ANP32B: variants seen among roughly 807,000 people sequenced by gnomAD.
ANP32B encodes acidic leucine-rich nuclear phosphoprotein 32 family member B.
A neutral mutation model predicts 32.2 loss-of-function variants in ANP32B; 6 were observed. The observed-to-expected ratio is 0.19, with a 90% CI of 0.10 to 0.37. The LOEUF (loss-of-function observed/expected upper bound fraction) is 0.37. ANP32B is among the 10% of genes least tolerant of loss of function. The pLI is 1.00. For missense variants in ANP32B, 204 were observed against 289.2 expected (o/e 0.71, Z 2.14); for synonymous variants, 98 against 105.8 (o/e 0.93, Z 0.45).
chr9:98,015,443 A>ACCTG lies in ANP32B; in HGVS notation c.*14_*17dup. Reference sequence around the variant, plus strand: ...GAGAAGATGATTAAGACCCCAGATGACCTGCAGAAACAGAACTGTTCAGTA... The same window carrying ACCTG: ...GAGAAGATGATTAAGACCCCAGATGACCTGCCTGCAGAAACAGAACTGTTCAGTA... On this transcript the variant is annotated 3_prime_UTR_variant, in exon 7 of 7. Transcript: ENST00000339399. The ACCTG allele has an allele frequency of 6.5e-7, 1 of 1,549,088 alleles. No homozygotes were observed. The highest frequency in any genetic ancestry group is 8.7e-7 in the Non-Finnish European group (1 of 1,146,598).
At chr9:98,000,406 C>T (rs752602977) in intron 3 of ANP32B, among the ~76,000 whole-genome samples, 4 of 152,192 alleles carry the variant, frequency 2.6e-5, no homozygotes, top group African/African-American at 7.2e-5. Context: ...CCCAGATACT[C>T]GGGCTCTTAC....
chr9:98,008,987 G>A (rs887098013), intron 4 of ANP32B, among the ~76,000 whole-genome samples: 2 of 152,052 alleles, frequency 1.3e-5, no homozygotes, highest in Non-Finnish European at 2.9e-5. Flanking sequence ...CATCATCTTG[G>A]GTAGATACTT....
intron 1 of ANP32B, among the ~76,000 whole-genome samples, chr9:97,986,380 G>A (rs1372926274): frequency 6.6e-6 from 1 of 152,214 alleles, no homozygotes; most frequent in Non-Finnish European, 1.5e-5. Flanking sequence ...GAGGCCTTGA[G>A]AGAGTGTTGT....
rs564378979 is a variant in ANP32B, at chr9:98,005,401, G to A, written c.517+248G>A. 32 of 249,038 alleles carry A rather than the reference G, an allele frequency of 1.3e-4. No homozygotes were observed. In the South Asian group the frequency reaches 1.9e-3, roughly 14 times the overall value. 15.4% of individuals were successfully genotyped at this position (249,038 alleles called of 1,614,324 possible). ...GTGGTGGCGCACACCTGGAGTCTTA[G>A]CTACTCAGAAGACTGGAGGCCGAGG... is the stretch of plus-strand genomic sequence containing the variant. On this transcript the variant is annotated intron_variant, in intron 4 of 6. Coordinates refer to ENST00000339399, the MANE Select transcript of ANP32B (RefSeq NM_006401.3).
intron 6 of ANP32B, among the ~76,000 whole-genome samples, chr9:98,014,634 C>T (rs771875107): frequency 1.3e-5 from 2 of 152,068 alleles, no homozygotes; most frequent in Non-Finnish European, 2.9e-5. Context: ...TCAGAATAAC[C>T]TTTTAAAGTC....
chr9:98,015,721 A>G lies in ANP32B; in HGVS notation c.*290A>G, dbSNP rs757082156. 4.7e-6 allele frequency: 5 copies of G among 1,052,866 alleles called. No individual in the cohort carries two copies. Among genetic ancestry groups the G allele is most frequent in the Non-Finnish European group, 2.3e-6 (2 of 872,250 alleles). 65.2% of individuals were successfully genotyped at this position (1,052,866 alleles called of 1,614,324 possible). On this transcript the variant is annotated 3_prime_UTR_variant, in exon 7 of 7. Coordinates refer to ENST00000339399, the MANE Select transcript of ANP32B (RefSeq NM_006401.3). ...GTGGATAGCTGTGATTGGTGAGTCA[A>G]CCGTCTGTGGCTACCAGTTACACTG...
chr9:97,988,877 C>T (rs1018445342), intron 1 of ANP32B, among the ~76,000 whole-genome samples: 6 of 152,122 alleles, frequency 3.9e-5, no homozygotes, highest in African/African-American at 1.4e-4. Flanking sequence ...ATTTCACTTA[C>T]CATAATAACC....
intron 4 of ANP32B, among the ~76,000 whole-genome samples, chr9:98,008,638 T>C (rs1445350607): frequency 6.6e-6 from 1 of 152,138 alleles, no homozygotes; most frequent in Non-Finnish European, 1.5e-5. Context: ...GAAGCAAAGT[T>C]TTCTGCAGTG....
At chr9:98,005,769 G>A (rs1249127806) in intron 4 of ANP32B, among the ~76,000 whole-genome samples, 4 of 152,150 alleles carry the variant, frequency 2.6e-5, no homozygotes, top group East Asian at 1.9e-4. Context: ...GATGCTGTGC[G>A]TTTAAACTGT....
chr9:98,004,496 A>G (rs555682260), intron 3 of ANP32B, among the ~76,000 whole-genome samples: 26 of 152,206 alleles, frequency 1.7e-4, no homozygotes, highest in Non-Finnish European at 2.9e-4. Context: ...TCTGTGCCCT[A>G]ACTAAAATTG....
At chr9:98,000,656 G>C (rs1158587817) in intron 3 of ANP32B, among the ~76,000 whole-genome samples, 3 of 152,186 alleles carry the variant, frequency 2.0e-5, no homozygotes, top group African/African-American at 7.2e-5. Flanking sequence ...GGGCACGGTG[G>C]TTCACGCCTG....
In ANP32B at chr9:98,012,453, A is replaced by AGATGAG. The variant is rs775219565; in HGVS notation, c.681_686dup (p.Asp228_Glu229dup). 3.1e-6 allele frequency: 5 copies of AGATGAG among 1,612,284 alleles called. No individual in the cohort carries two copies. The East Asian group carries it at 1.1e-4, about 36-fold the overall frequency. ...AATTTGGACTTGATGAAGAAGATGAAGATGAGGATGAGGATGAAGGTGGGC... is the reference window on the plus strand; with the variant it reads ...AATTTGGACTTGATGAAGAAGATGAAGATGAGGATGAGGATGAGGATGAAGGTGGGC... On this transcript the variant is annotated inframe_insertion, in exon 6 of 7. Transcript: ENST00000339399.
At position 97,994,741 on chromosome 9, in the gene ANP32B, C is replaced by T. The variant is rs1044321383; in HGVS notation, c.165C>T (p.Ile55=). ...EFLSLINVGL[I]SVSNLPKLPK... is the part of the protein sequence containing the mutation. ...TCAGTTTAATAAATGTAGGCTTGAT[C>T]TCAGTTTCAAATCTCCCCAAGCTGC... The change falls in exon 2 of 7, where the codon ATC becomes ATT. Residue 55 remains isoleucine (I), a synonymous_variant. Coordinates refer to ENST00000339399, the MANE Select transcript of ANP32B (RefSeq NM_006401.3). The T allele has an allele frequency of 6.2e-7, 1 of 1,608,682 alleles. No homozygotes were observed. The highest frequency in any genetic ancestry group is 8.5e-7 in the Non-Finnish European group (1 of 1,177,802).
chr9:97,993,418 A>G (rs558914775), intron 1 of ANP32B, among the ~76,000 whole-genome samples: 2 of 152,342 alleles, frequency 1.3e-5, no homozygotes, highest in African/African-American at 4.8e-5. Flanking sequence ...CCTACTGTAT[A>G]CATGCTTGAT....
Position 97,983,544 on chromosome 9 carries a change from G to A in ANP32B, c.-12G>A. The stretch of plus-strand genomic sequence containing the variant: ...CGGAAAGTTAAGTTTGAAGAGGGGG[G>A]AAGAGGGGAACATGGACATGAAGAG... On this transcript the variant is annotated 5_prime_UTR_variant, in exon 1 of 7. Transcript: ENST00000339399. 4 of 1,572,418 alleles carry A rather than the reference G, an allele frequency of 2.5e-6. No individual in the cohort carries two copies. Among genetic ancestry groups the A allele is most frequent in the Non-Finnish European group, 2.6e-6 (3 of 1,159,982 alleles).
At chr9:98,013,572 GA>G (rs1828223734) in intron 6 of ANP32B, among the ~76,000 whole-genome samples, 1 of 152,154 alleles carries the variant, frequency 6.6e-6, no homozygotes, top group African/African-American at 2.4e-5. Context: ...TGCCAGCCTG[GA>G]CAACATAGAC....
chr9:97,992,315 C>T (rs1387470446), intron 1 of ANP32B, among the ~76,000 whole-genome samples: 1 of 152,172 alleles, frequency 6.6e-6, no homozygotes, highest in East Asian at 1.9e-4. Context: ...TCTTGAACTC[C>T]TGACCTTAGA....
Position 97,999,059 on chromosome 9 carries a change from G to T in ANP32B, c.327+381G>T, listed in dbSNP as rs1400020749. On this transcript the variant is annotated intron_variant, in intron 3 of 6. Transcript: ENST00000339399. Reference sequence around the variant, plus strand: ...CCTGACCTCGTGATCCGCCCGCCTCGGCCTCCCAAAGTGCTGGGATTACAG... The same window carrying T: ...CCTGACCTCGTGATCCGCCCGCCTCTGCCTCCCAAAGTGCTGGGATTACAG... 1.2e-4 allele frequency among the ~76,000 whole-genome samples: 3 copies of T among 24,896 alleles called. 1 individual carries two copies. Among genetic ancestry groups the T allele is most frequent in the Admixed American group, 8.1e-4 (3 of 3,708 alleles). 16.3% of individuals were successfully genotyped at this position (24,896 alleles called of 152,430 possible).
In ANP32B at chr9:98,015,654, T is replaced by G; in HGVS notation, c.*223T>G. On this transcript the variant is annotated 3_prime_UTR_variant, in exon 7 of 7. Coordinates refer to ENST00000339399, the MANE Select transcript of ANP32B (RefSeq NM_006401.3). Reference sequence around the variant, plus strand: ...CTTGTGGACTTCACCCCAACAAAATTGTAAGCGTTGTTAGGTTTTTGTGTA... The same window carrying G: ...CTTGTGGACTTCACCCCAACAAAATGGTAAGCGTTGTTAGGTTTTTGTGTA... 8.1e-7 allele frequency: 1 copy of G among 1,230,784 alleles called. No individual in the cohort carries two copies. Among genetic ancestry groups the G allele is most frequent in the Non-Finnish European group, 1.0e-6 (1 of 976,886 alleles). 76.2% of individuals were successfully genotyped at this position (1,230,784 alleles called of 1,614,324 possible). A position where few individuals can be genotyped will look rare whatever the true frequency, so the allele number is the denominator to read the frequency against.
Sources: gnomAD v4.1 joint callset for allele counts (sites outside exome capture counted in the v4.1 genomes callset) on GRCh38, gnomAD v4.1.1 for gene constraint, MANE v1.5 for transcripts, NCBI Gene and HGNC (gene_info 2026-07-23, HGNC 2026-07-21) for gene names.